The following CNTN5 variants were observed in gnomAD, a reference collection of about 807,000 sequenced individuals.
CNTN5 encodes the protein contactin 5.
Under a neutral mutation model 129.1 loss-of-function variants are expected in CNTN5, and 77 were observed. That is an observed-to-expected ratio of 0.60 (90% CI 0.50 to 0.72). The LOEUF is 0.72. Among genes scored for constraint, CNTN5 ranks in the 30% least tolerant of loss-of-function variants. The pLI is 0.00. For missense variants in CNTN5, 1,478 were observed against 1,328.8 expected (o/e 1.11, Z -1.75); for synonymous variants, 509 against 465.6 (o/e 1.09, Z -1.20).
intron 1 of CNTN5, among the ~76,000 whole-genome samples, chr11:99,283,738 G>A (rs747354972): frequency 1.4e-4 from 22 of 152,060 alleles, no homozygotes; most frequent in Non-Finnish European, 2.6e-4. Flanking sequence ...AAAAAGAGTA[G>A]CTTTGCTTTT....
intron 1 of CNTN5, among the ~76,000 whole-genome samples, chr11:99,149,720 C>G (rs534281204): frequency 2.0e-5 from 3 of 151,990 alleles, no homozygotes; most frequent in Admixed American, 6.5e-5. Context: ...CTATGGATGT[C>G]CCTCCTATAG....
intron 1 of CNTN5, among the ~76,000 whole-genome samples, chr11:99,249,043 A>C (rs1277882074): frequency 6.6e-6 from 1 of 152,126 alleles, no homozygotes; most frequent in Non-Finnish European, 1.5e-5. Context: ...TTGAGTCTAT[A>C]AATTACCTTG....
chr11:99,892,035 A>G (rs1242807117), intron 6 of CNTN5, among the ~76,000 whole-genome samples: 1 of 152,144 alleles, frequency 6.6e-6, no homozygotes, highest in East Asian at 1.9e-4. Context: ...AACTGGCCTG[A>G]GATGGTATCT....
intron 13 of CNTN5, among the ~76,000 whole-genome samples, chr11:100,130,715 G>T (rs1180924016): frequency 6.6e-6 from 1 of 152,104 alleles, no homozygotes; most frequent in East Asian, 1.9e-4. Context: ...AGATTTGGAA[G>T]TGGAAGTGTA....
chr11:99,021,836 T>C (rs1264301598), intron 1 of CNTN5, among the ~76,000 whole-genome samples: 2 of 152,172 alleles, frequency 1.3e-5, no homozygotes, highest in African/African-American at 2.4e-5. Flanking sequence ...TTGTATAGGA[T>C]TGTGATAGAT....
At chr11:99,895,048 A>T (rs180856073) in intron 6 of CNTN5, among the ~76,000 whole-genome samples, 1 of 152,242 alleles carries the variant, frequency 6.6e-6, no homozygotes, top group Non-Finnish European at 1.5e-5. Flanking sequence ...GAAAAGGCAC[A>T]TCGCATTTGA....
At chr11:99,653,807 T>A (rs914439231) in intron 3 of CNTN5, among the ~76,000 whole-genome samples, 3 of 152,090 alleles carry the variant, frequency 2.0e-5, no homozygotes, top group African/African-American at 7.2e-5. Context: ...GAGAATTTAA[T>A]TGAGGATATT....
At chr11:99,407,758 C>A (rs561386046) in intron 2 of CNTN5, among the ~76,000 whole-genome samples, 1 of 152,214 alleles carries the variant, frequency 6.6e-6, no homozygotes, top group East Asian at 1.9e-4. Context: ...ATCTGTAACT[C>A]CCCCCTCACT....
chr11:99,923,060 T>C (rs976012423), intron 7 of CNTN5, among the ~76,000 whole-genome samples: 5 of 152,186 alleles, frequency 3.3e-5, no homozygotes, highest in African/African-American at 1.2e-4. Context: ...ATATTAAAAA[T>C]TATTCAGAAA....
At chr11:99,451,007 C>T (rs534670350) in intron 2 of CNTN5, among the ~76,000 whole-genome samples, 11 of 151,722 alleles carry the variant, frequency 7.3e-5, no homozygotes, top group African/African-American at 2.2e-4. Flanking sequence ...TTAAGCTTAC[C>T]CCATTTGTGA....
At chr11:99,156,389 A>G (rs1245136642) in intron 1 of CNTN5, among the ~76,000 whole-genome samples, 2 of 152,080 alleles carry the variant, frequency 1.3e-5, no homozygotes, top group Non-Finnish European at 2.9e-5. Context: ...TAGCCAAAGT[A>G]AAAGATTAAT....
intron 1 of CNTN5, among the ~76,000 whole-genome samples, chr11:99,292,489 A>G (rs1011934086): frequency 1.3e-5 from 2 of 151,998 alleles, no homozygotes; most frequent in African/African-American, 4.8e-5. Context: ...TGCTCTGGCT[A>G]GGACTTCCAG....
At chr11:100,112,360 C>T (rs918077686) in intron 13 of CNTN5, among the ~76,000 whole-genome samples, 1 of 151,994 alleles carries the variant, frequency 6.6e-6, no homozygotes, top group Non-Finnish European at 1.5e-5. Flanking sequence ...TGTTTTTTTA[C>T]TGAAGCATAG....
At chr11:99,297,733 G>A (rs1237438392) in intron 1 of CNTN5, among the ~76,000 whole-genome samples, 1 of 152,036 alleles carries the variant, frequency 6.6e-6, no homozygotes, top group Non-Finnish European at 1.5e-5. Context: ...GATTAACCTG[G>A]CCAATGATTT....
intron 2 of CNTN5, among the ~76,000 whole-genome samples, chr11:99,424,555 G>A (rs867997387): frequency 1.3e-5 from 2 of 152,240 alleles, no homozygotes; most frequent in South Asian, 2.1e-4. Context: ...GCACAGTCAC[G>A]AGCTCCATGT....
intron 1 of CNTN5, among the ~76,000 whole-genome samples, chr11:99,182,715 G>A (rs1330132687): frequency 3.3e-5 from 5 of 151,994 alleles, no homozygotes; most frequent in South Asian, 2.1e-4. Context: ...TAACGTACTC[G>A]GGCTCCTTTA....
intron 15 of CNTN5, 96 bp downstream of exon 15, chr11:100,193,759 A>G (rs1019459106): frequency 2.3e-5 from 22 of 969,072 alleles, no homozygotes; most frequent in South Asian, 8.5e-5. Context: ...CTAAGAAAAA[A>G]AAAAACAGAA....
At chr11:99,766,473 C>T (rs1944758629) in intron 3 of CNTN5, among the ~76,000 whole-genome samples, 1 of 151,850 alleles carries the variant, frequency 6.6e-6, no homozygotes, top group South Asian at 2.1e-4. Flanking sequence ...TTATGGATAA[C>T]TCTATTTTAT....
chr11:99,216,256 T>A (rs1403150690), intron 1 of CNTN5, among the ~76,000 whole-genome samples: 1 of 152,164 alleles, frequency 6.6e-6, no homozygotes, highest in East Asian at 1.9e-4. Flanking sequence ...GATATTTGTG[T>A]TTCTTTGTCT....
Sources: gnomAD v4.1 joint callset for allele counts (sites outside exome capture counted in the v4.1 genomes callset) on GRCh38, gnomAD v4.1.1 for gene constraint, MANE v1.5 for transcripts, NCBI Gene and HGNC (gene_info 2026-07-23, HGNC 2026-07-21) for gene names.